LIMS1: variants seen among roughly 807,000 people sequenced by gnomAD.
LIMS1 encodes LIM zinc finger domain containing 1.
LIMS1 carries 18 observed loss-of-function variants against 44.1 expected under a neutral mutation model. The observed-to-expected ratio is 0.41, with a 90% CI of 0.28 to 0.61. LIMS1 has a LOEUF of 0.61. Ranked by LOEUF, LIMS1 falls within the 20% of genes least tolerant of loss-of-function variation. The pLI is 0.32. For synonymous variants in LIMS1, 93 were observed against 149.1 expected (o/e 0.62, Z 2.74); for missense variants, 201 against 422.0 (o/e 0.48, Z 4.59).
intron 5 of LIMS1, chr2:108,674,043 C>T (rs1692329132): frequency 6.6e-6 from 1 of 152,132 alleles, no homozygotes; most frequent in South Asian, 2.1e-4. Context: ...GATAAAGATT[C>T]TTGGCCGGGC....
chr2:108,647,980 GAAAT>G (rs1331339341), intron 1 of LIMS1, among the ~76,000 whole-genome samples: 3 of 152,180 alleles, frequency 2.0e-5, no homozygotes, highest in Admixed American at 6.5e-5. Flanking sequence ...TCAGGCAAGA[GAAAT>G]AAATAAAGGG....
chr2:108,553,363 A>G (rs527733523), intron 1 of LIMS1, among the ~76,000 whole-genome samples: 2 of 152,306 alleles, frequency 1.3e-5, no homozygotes, highest in East Asian at 1.9e-4. Flanking sequence ...TTTAACTGTT[A>G]TATAAACTTG....
At chr2:108,562,904 C>T (rs1238057530) in intron 1 of LIMS1, among the ~76,000 whole-genome samples, 1 of 152,188 alleles carries the variant, frequency 6.6e-6, no homozygotes, top group Admixed American at 6.5e-5. Flanking sequence ...GGTTGACTCT[C>T]TTGTTAGGAG....
intron 1 of LIMS1, among the ~76,000 whole-genome samples, chr2:108,628,647 G>A (rs903706225): frequency 6.6e-6 from 1 of 152,184 alleles, no homozygotes; most frequent in Non-Finnish European, 1.5e-5. Context: ...TGTATTTTTA[G>A]TAGAGACGGG....
chr2:108,607,283 G>A, intron 1 of LIMS1: 3 of 1,548,318 alleles, frequency 1.9e-6, no homozygotes, highest in Non-Finnish European at 2.6e-6. Context: ...ATATTGAGCT[G>A]TTCCCCCTCC....
intron 1 of LIMS1, chr2:108,607,306 A>C: frequency 1.3e-6 from 2 of 1,502,724 alleles, no homozygotes; most frequent in South Asian, 1.2e-5. Context: ...ATGAAACACA[A>C]ATAGAACATA....
chr2:108,582,982 A>T (rs1685943040), intron 1 of LIMS1, among the ~76,000 whole-genome samples: 1 of 152,004 alleles, frequency 6.6e-6, no homozygotes, highest in Non-Finnish European at 1.5e-5. Flanking sequence ...TAGAAACTCA[A>T]ATCCTTTAAG....
intron 1 of LIMS1, among the ~76,000 whole-genome samples, chr2:108,596,490 T>C (rs1686689670): frequency 6.6e-6 from 1 of 152,292 alleles, no homozygotes; most frequent in African/African-American, 2.4e-5. Flanking sequence ...GGAATTCAGT[T>C]AGGTCTCAGA....
At chr2:108,635,988 G>A (rs1044756100) in intron 1 of LIMS1, among the ~76,000 whole-genome samples, 7 of 152,124 alleles carry the variant, frequency 4.6e-5, no homozygotes. Context: ...AAACCCACAC[G>A]CTAATTTGAA....
chr2:108,585,287 G>T (rs1217250293), intron 1 of LIMS1, among the ~76,000 whole-genome samples: 1 of 152,094 alleles, frequency 6.6e-6, no homozygotes, highest in East Asian at 1.9e-4. Context: ...CCGCTTGCTG[G>T]CTGTGTCTGT....
At chr2:108,615,604 G>A (rs927731402) in intron 1 of LIMS1, among the ~76,000 whole-genome samples, 1 of 152,122 alleles carries the variant, frequency 6.6e-6, no homozygotes. Context: ...GGCTGTTCAG[G>A]GTTCTCCTCC....
chr2:108,676,498 G>A, intron 6 of LIMS1, 108 bp from the exon 7 acceptor site: 1 of 1,334,510 alleles, frequency 7.5e-7, no homozygotes, highest in Non-Finnish European at 1.0e-6. Context: ...TGAAATGACT[G>A]TCTCAAACTT....
At chr2:108,591,050 G>T (rs1238517463) in intron 1 of LIMS1, among the ~76,000 whole-genome samples, 4 of 152,182 alleles carry the variant, frequency 2.6e-5, no homozygotes, top group African/African-American at 9.7e-5. Flanking sequence ...GGTCTTGAGG[G>T]CAGTGTAAAG....
intron 1 of LIMS1, among the ~76,000 whole-genome samples, chr2:108,574,226 G>T (rs928697336): frequency 6.6e-6 from 1 of 152,124 alleles, no homozygotes; most frequent in Non-Finnish European, 1.5e-5. Context: ...TTCTCTAGGG[G>T]ACATGAAAAG....
In LIMS1 at chr2:108,620,565, C is replaced by T. The variant is rs982274175; in HGVS notation, c.33-39040C>T. Among the ~76,000 whole-genome samples the T allele has an allele frequency of 5.3e-5, 8 of 152,266 alleles. No individual in the cohort carries two copies. In the South Asian group the frequency reaches 8.3e-4, roughly 16 times the overall value. On this transcript the variant is annotated intron_variant, in intron 1 of 9. Transcript: ENST00000544547. ...AAACCTTCCTAACATTGTCACTTTC[C>T]GAGGTCAAATGTACAGATAAATACA...
intron 1 of LIMS1, among the ~76,000 whole-genome samples, chr2:108,606,799 G>A (rs1687292318): frequency 6.6e-6 from 1 of 152,252 alleles, no homozygotes; most frequent in African/African-American, 2.4e-5. Context: ...TGTGAGGAGA[G>A]AGGCTGGAGG....
At chr2:108,535,815 G>A (rs1422222738) in intron 1 of LIMS1, among the ~76,000 whole-genome samples, 1 of 152,106 alleles carries the variant, frequency 6.6e-6, no homozygotes, top group Non-Finnish European at 1.5e-5. Context: ...GGAAGTGTCC[G>A]GCAATACAGG....
At chr2:108,552,060 A>G (rs1251360235) in intron 1 of LIMS1, among the ~76,000 whole-genome samples, 2 of 145,688 alleles carry the variant, frequency 1.4e-5, no homozygotes, top group Non-Finnish European at 3.0e-5. Context: ...TAATGTGTGT[A>G]TATGTGTGTG....
exon 10 of LIMS1, chr2:108,684,844 T>G: frequency 6.6e-6 from 1 of 152,270 alleles, no homozygotes; most frequent in East Asian, 1.9e-4. Flanking sequence ...TGGAATATAT[T>G]GCTTCAGAAA....
Sources: gnomAD v4.1 joint callset for allele counts (sites outside exome capture counted in the v4.1 genomes callset) on GRCh38, gnomAD v4.1.1 for gene constraint, MANE v1.5 for transcripts, NCBI Gene and HGNC (gene_info 2026-07-23, HGNC 2026-07-21) for gene names.